Variants in ENPP3 observed in about 807,000 individuals in gnomAD.
The protein encoded by ENPP3 is ectonucleotide pyrophosphatase/phosphodiesterase 3, also known as ectonucleotide pyrophosphatase/phosphodiesterase family member 3.
Under a neutral mutation model 117.8 loss-of-function variants are expected in ENPP3, and 104 were observed. The ratio of observed to expected loss-of-function variants is 0.88; its 90% CI spans 0.75 to 1.04. ENPP3 has a LOEUF of 1.04. ENPP3 is among the 50% of genes least tolerant of loss of function. The probability of loss-of-function intolerance (pLI) is 0.00; values close to 1 mark genes in which losing one functional copy is unlikely to be tolerated. For synonymous variants in ENPP3, 380 were observed against 349.9 expected, an observed-to-expected ratio of 1.09 and a Z score of -0.96; for missense variants, 1,026 against 1,051.9, an observed-to-expected ratio of 0.98 and a Z score of 0.34.
intron 2 of ENPP3, among the ~76,000 whole-genome samples, chr6:131,643,943 CTGTGTGTGTGTGTG>C (rs60828787): frequency 7.0e-6 from 1 of 142,978 alleles, no homozygotes; most frequent in African/African-American, 2.6e-5. Flanking sequence ...GTGTGTGTGT[CTGTGTGTGTGTGTG>C]TGTGTGTGTG....
At position 131,740,307 on chromosome 6, in the gene ENPP3, AAAACTGCCCTGGG is replaced by A; in HGVS notation, c.2385_2397del (p.Glu795AspfsTer44). 6.2e-7 allele frequency: 1 copy of A among 1,613,388 alleles called. No individual in the cohort carries two copies. Among genetic ancestry groups the A allele is most frequent in the Non-Finnish European group, 8.5e-7 (1 of 1,179,614 alleles). The stretch of plus-strand genomic sequence containing the variant: ...TGTAAAAACAAGAGCCACACACCGG[AAAACTGCCCTGGG>A]TGGCTGGATGTCCTACCCTTTATCA... On this transcript the variant is annotated frameshift_variant, in exon 24 of 25. Transcript: ENST00000357639. LOFTEE classifies it high-confidence loss of function.
intron 15 of ENPP3, among the ~76,000 whole-genome samples, chr6:131,697,825 G>A (rs1357674776): frequency 2.0e-5 from 3 of 151,998 alleles, no homozygotes; most frequent in African/African-American, 7.3e-5. Context: ...GACAGGTGTG[G>A]GTCCATGGCC....
chr6:131,662,588 A>G lies in ENPP3; in HGVS notation c.562+4168A>G, dbSNP rs533191030. The stretch of plus-strand genomic sequence containing the variant: ...ATACATCTGTTTTTATGCCAGTAAC[A>G]TGCTGTTTTAATTACTGAAGATTTT... On this transcript the variant is annotated intron_variant, in intron 6 of 24. Coordinates refer to ENST00000357639, the MANE Select transcript of ENPP3 (RefSeq NM_005021.5). Among the ~76,000 whole-genome samples the G allele has an allele frequency of 1.2e-4, 19 of 152,268 alleles. No individual in the cohort carries two copies. In the East Asian group the frequency reaches 2.7e-3, roughly 22 times the overall value.
intron 24 of ENPP3, among the ~76,000 whole-genome samples, chr6:131,741,262 T>C (rs1780522293): frequency 6.6e-6 from 1 of 152,198 alleles, no homozygotes; most frequent in Non-Finnish European, 1.5e-5. Context: ...AGTATCATGA[T>C]AGAAACTCTT....
In ENPP3 at chr6:131,677,899, C is replaced by A. The variant is rs764966431; in HGVS notation, c.970C>A (p.Pro324Thr). ...PRFYTMYFEE[P>T]DSSGHAGGPV... Reference sequence around the variant, plus strand: ...GTTTTATACCATGTATTTTGAAGAACCTGATTCCTCTGGACATGCAGGTGG... The same window carrying A: ...GTTTTATACCATGTATTTTGAAGAAACTGATTCCTCTGGACATGCAGGTGG... Residue 324 changes from proline (P) to threonine (T), a missense_variant, in exon 11 of 25, where the codon CCT (proline) becomes ACT (threonine). Physicochemically the swap from Pro to Thr is conservative, Grantham distance 38. Coordinates refer to ENST00000357639, the MANE Select transcript of ENPP3 (RefSeq NM_005021.5). The A allele has an allele frequency of 6.2e-7, 1 of 1,611,168 alleles. No individual in the cohort carries two copies. The highest frequency in any genetic ancestry group is 2.2e-5 in the East Asian group (1 of 44,840).
intron 15 of ENPP3, among the ~76,000 whole-genome samples, chr6:131,698,994 G>C (rs1779466425): frequency 7.2e-6 from 1 of 139,116 alleles, no homozygotes; most frequent in South Asian, 2.4e-4. Flanking sequence ...GGCCGAGGCA[G>C]GTGAATCAAC....
Position 131,641,448 on chromosome 6 carries a change from G to A in ENPP3, c.79-7G>A, listed in dbSNP as rs1428897441. The A allele has an allele frequency of 6.3e-7, 1 of 1,597,434 alleles. No homozygotes were observed. The highest frequency in any genetic ancestry group is 1.1e-5 in the South Asian group (1 of 89,856). On this transcript the variant is annotated splice_polypyrimidine_tract_variant and splice_region_variant and intron_variant, in intron 1 of 24. Coordinates refer to ENST00000357639, the MANE Select transcript of ENPP3 (RefSeq NM_005021.5). Reference sequence around the variant, plus strand: ...TTATAAAAGTTACTTTTTCCTTTTTGCAATAGGTTCTTCTTGCTTTGCTGG... The same window carrying A: ...TTATAAAAGTTACTTTTTCCTTTTTACAATAGGTTCTTCTTGCTTTGCTGG...
intron 5 of ENPP3, among the ~76,000 whole-genome samples, chr6:131,655,593 C>T (rs1230239537): frequency 1.3e-5 from 2 of 152,208 alleles, no homozygotes; most frequent in African/African-American, 4.8e-5. Flanking sequence ...AAGACTCCCT[C>T]ACCTGTTGAT....
chr6:131,658,406 A>G lies in ENPP3; in HGVS notation c.548A>G (p.Asn183Ser). 6.5e-7 allele frequency: 1 copy of G among 1,543,330 alleles called. No individual in the cohort carries two copies. The highest frequency in any genetic ancestry group is 9.0e-7 in the Non-Finnish European group (1 of 1,115,870). The change falls in exon 6 of 25, where the codon AAT becomes AGT. Residue 183 changes from asparagine to serine, a missense_variant. By Grantham distance (46) the Asn-to-Ser change is conservative. Transcript: ENST00000357639. The part of the protein sequence containing the change: ...YLYTWDTLMP[N>S]INKLKTCGIH... ...TACACATGGGATACTTTAATGCCAA[A>G]TATCAATAAACTGAGTAAGTCTTCT... is the stretch of plus-strand genomic sequence containing the variant.
At position 131,652,824 on chromosome 6, in the gene ENPP3, T is replaced by C. The variant is rs758589305; in HGVS notation, c.404-7T>C. On this transcript the variant is annotated splice_region_variant and splice_polypyrimidine_tract_variant and intron_variant, in intron 4 of 24. Coordinates refer to ENST00000357639, the MANE Select transcript of ENPP3 (RefSeq NM_005021.5). Reference sequence around the variant, plus strand: ...AAGTATCAAGATTTTGATCTTATGCTTTTCAGGAGAAACCTCATGGCTGGA... The same window carrying C: ...AAGTATCAAGATTTTGATCTTATGCCTTTCAGGAGAAACCTCATGGCTGGA... The C allele has an allele frequency of 2.0e-5, 33 of 1,612,420 alleles. No individual in the cohort carries two copies. The highest frequency in any genetic ancestry group is 2.8e-5 in the Non-Finnish European group (33 of 1,178,628).
chr6:131,639,402 A>C (rs1777998044), intron 1 of ENPP3, among the ~76,000 whole-genome samples: 1 of 151,482 alleles, frequency 6.6e-6, no homozygotes, highest in East Asian at 1.9e-4. Context: ...TTCCCATCTC[A>C]GCCTCCCGAG....
intron 6 of ENPP3, among the ~76,000 whole-genome samples, chr6:131,666,038 C>A (rs1180163629): frequency 6.6e-6 from 1 of 151,936 alleles, no homozygotes; most frequent in African/African-American, 2.4e-5. Flanking sequence ...ATATAGATTT[C>A]TAGTGTTATT....
intron 9 of ENPP3, 152 bp from the exon 10 acceptor site, chr6:131,676,584 C>T: frequency 2.0e-6 from 1 of 501,354 alleles, no homozygotes. Flanking sequence ...AACAGAAATC[C>T]CTTTGAATAA....
At chr6:131,677,283 G>A (rs1445709870) in intron 10 of ENPP3, among the ~76,000 whole-genome samples, 3 of 152,182 alleles carry the variant, frequency 2.0e-5, no homozygotes, top group East Asian at 3.9e-4. Context: ...TTTTGTTTTC[G>A]AAAATGTGGT....
Position 131,708,651 on chromosome 6 carries a change from G to A in ENPP3, c.1413-10021G>A, listed in dbSNP as rs201443377. On this transcript the variant is annotated intron_variant, in intron 15 of 24. Transcript: ENST00000357639. ...TCCAGTAGCAGGCTCCTTTGAAGGC[G>A]GAATCAATCCTGAAGGGAACTCGCT... The A allele has an allele frequency of 6.4e-3, 10,083 of 1,586,794 alleles. 60 individuals carry two copies. The highest frequency in any genetic ancestry group is 0.012 in the Middle Eastern group (70 of 5,828).
intron 6 of ENPP3, among the ~76,000 whole-genome samples, 188 bp downstream of exon 6, chr6:131,658,608 C>A (rs1243718645): frequency 6.6e-6 from 1 of 152,168 alleles, no homozygotes; most frequent in African/African-American, 2.4e-5. Flanking sequence ...CTTCTCCTAC[C>A]TTTATTTTGG....
In ENPP3 at chr6:131,640,211, A is replaced by G. The variant is rs530520766; in HGVS notation, c.79-1244A>G. Among the ~76,000 whole-genome samples, 4 of 152,226 alleles carry G rather than the reference A, an allele frequency of 2.6e-5. No homozygotes were observed. The South Asian group carries it at 6.2e-4, about 24-fold the overall frequency. On this transcript the variant is annotated intron_variant, in intron 1 of 24. Transcript: ENST00000357639. ...CCAAAATATGTTAATTTGTAAGTCT[A>G]TGATGTGTGAGGTTTACCAGAAGGA... is the stretch of plus-strand genomic sequence containing the variant.
chr6:131,740,296 C>T lies in ENPP3; in HGVS notation c.2373C>T (p.Ser791=). ...TGCTGACCAGTTGTAAAAACAAGAG[C>T]CACACACCGGAAAACTGCCCTGGGT... is the stretch of plus-strand genomic sequence containing the variant. ...FVVLTSCKNK[S]HTPENCPGWL... The change falls in exon 24 of 25, where the codon AGC becomes AGT. Residue 791 remains serine (S), a synonymous_variant. Coordinates refer to ENST00000357639, the MANE Select transcript of ENPP3 (RefSeq NM_005021.5). 1 of 1,613,210 alleles carries T rather than the reference C, an allele frequency of 6.2e-7. No individual in the cohort carries two copies. Among genetic ancestry groups the T allele is most frequent in the Non-Finnish European group, 8.5e-7 (1 of 1,179,518 alleles).
intron 10 of ENPP3, 30 bp from the exon 11 acceptor site, chr6:131,677,838 A>C: frequency 7.3e-7 from 1 of 1,375,540 alleles, no homozygotes. Flanking sequence ...GCAAATTGAT[A>C]ATATATTTCT....
Sources: gnomAD v4.1 joint callset for allele counts (sites outside exome capture counted in the v4.1 genomes callset) on GRCh38, gnomAD v4.1.1 for gene constraint, MANE v1.5 for transcripts, NCBI Gene and HGNC (gene_info 2026-07-23, HGNC 2026-07-21) for gene names.